DCAF6: variants seen among roughly 807,000 people sequenced by gnomAD.
DCAF6 encodes DDB1 and CUL4 associated factor 6, also known as DDB1- and CUL4-associated factor 6.
Under a neutral mutation model 125.1 loss-of-function variants are expected in DCAF6, and 54 were observed. The observed-to-expected ratio is 0.43, with a 90% confidence interval of 0.35 to 0.54. DCAF6 has a LOEUF of 0.54. DCAF6 is among the 20% of genes least tolerant of loss of function. DCAF6 has a pLI of 0.01. For synonymous variants in DCAF6, 371 were observed against 390.4 expected, an observed-to-expected ratio of 0.95 and a Z score of 0.58; for missense variants, 934 against 1,161.7, an observed-to-expected ratio of 0.80 and a Z score of 2.85.
chr1:168,035,634 C>T (rs984800281), intron 12 of DCAF6, among the ~76,000 whole-genome samples: 2 of 152,114 alleles, frequency 1.3e-5, no homozygotes, highest in African/African-American at 4.8e-5. Context: ...TAGTTTTACA[C>T]AAGGCTGATG....
the DCAF6 span, among the ~76,000 whole-genome samples, chr1:167,919,721 G>GT: frequency 6.6e-6 from 1 of 152,070 alleles, no homozygotes; most frequent in Non-Finnish European, 1.5e-5. Flanking sequence ...TAAAAACTAG[G>GT]TAACATACTG....
At chr1:167,914,311 CA>C in the DCAF6 span, 2 of 152,140 alleles carry the variant, frequency 1.3e-5, no homozygotes, top group African/African-American at 4.8e-5. Flanking sequence ...AGGCAAGGGT[CA>C]GGGGAGACTG....
chr1:168,041,254 A>G (rs771846582), intron 13 of DCAF6, among the ~76,000 whole-genome samples: 4 of 151,984 alleles, frequency 2.6e-5, no homozygotes, highest in Non-Finnish European at 5.9e-5. Flanking sequence ...TACTTTGCCC[A>G]GTTTTCTATG....
rs1004945000 is a variant in DCAF6 at position 167,975,132 on chromosome 1, T to G, written c.438+117T>G. 5 of 525,018 alleles carry G rather than the reference T, an allele frequency of 9.5e-6. No individual in the cohort carries two copies. The South Asian group carries it at 3.6e-4, about 38-fold the overall frequency. The allele number at this position is 525,018 out of a possible 1,614,324, so 32.5% of individuals were successfully genotyped here. Reference sequence around the variant, plus strand: ...CAGATGTGTGTGTATGCACATTTGATGCATATAAATTATTGACAATATCTA... The same window carrying G: ...CAGATGTGTGTGTATGCACATTTGAGGCATATAAATTATTGACAATATCTA... On this transcript the variant is annotated intron_variant, in intron 4 of 21. Transcript: ENST00000367840.
chr1:168,025,663 T>C (rs889521654), intron 12 of DCAF6, among the ~76,000 whole-genome samples: 2 of 152,180 alleles, frequency 1.3e-5, no homozygotes, highest in Admixed American at 6.5e-5. Context: ...TAAAAGTTAA[T>C]AGAGACTGCC....
chr1:167,927,096 A>C, the DCAF6 span, among the ~76,000 whole-genome samples: 1 of 152,236 alleles, frequency 6.6e-6, no homozygotes, highest in African/African-American at 2.4e-5. Context: ...TGGATCCACC[A>C]TGTTCAGGAT....
intron 11 of DCAF6, among the ~76,000 whole-genome samples, chr1:168,022,179 T>G (rs1557989666): frequency 6.6e-6 from 1 of 152,188 alleles, no homozygotes; most frequent in Non-Finnish European, 1.5e-5. Flanking sequence ...GAGTGCTCTT[T>G]CCATTTTATT....
At chr1:167,907,005 T>C in the DCAF6 span, among the ~76,000 whole-genome samples, 1 of 152,114 alleles carries the variant, frequency 6.6e-6, no homozygotes, top group East Asian at 1.9e-4. Context: ...CCATGGAGGA[T>C]TGAAAAGTAT....
intron 16 of DCAF6, 66 bp downstream of exon 16, chr1:168,045,293 T>C: frequency 7.1e-7 from 1 of 1,400,846 alleles, no homozygotes; most frequent in Admixed American, 2.6e-5. Context: ...TTTGAAGTCA[T>C]TGAAGGGAAT....
chr1:168,023,084 C>T (rs988871905), intron 12 of DCAF6, 37 bp downstream of exon 12: 1 of 1,604,146 alleles, frequency 6.2e-7, no homozygotes, highest in African/African-American at 1.3e-5. Flanking sequence ...CCCATCCATC[C>T]ATAGCTTTAT....
chr1:167,927,759 T>C, the DCAF6 span, among the ~76,000 whole-genome samples: 2 of 152,130 alleles, frequency 1.3e-5, no homozygotes, highest in African/African-American at 2.4e-5. Flanking sequence ...AGTTTTACAA[T>C]ATTAACAACA....
In DCAF6 at chr1:168,011,988, A is replaced by G. The variant is rs546888098; in HGVS notation, c.1379-3793A>G. Among the ~76,000 whole-genome samples the G allele has an allele frequency of 2.6e-3, 403 of 152,234 alleles. 3 individuals are homozygous for G. Among genetic ancestry groups the G allele is most frequent in the African/African-American group, 9.1e-3 (378 of 41,540 alleles). On this transcript the variant is annotated intron_variant, in intron 10 of 21. Transcript: ENST00000367840. ...CCTCTGTCTCAGAAAAAAGAAAGAA[A>G]GAAAGAAAGAAACAAGTGGAAATAT...
intron 12 of DCAF6, among the ~76,000 whole-genome samples, chr1:168,033,571 C>T (rs1687418385): frequency 6.6e-6 from 1 of 152,146 alleles, no homozygotes; most frequent in Non-Finnish European, 1.5e-5. Context: ...CCCGCCTCGG[C>T]CTCCCAAAGT....
chr1:167,962,682 G>A (rs1675800375), intron 2 of DCAF6, among the ~76,000 whole-genome samples: 1 of 152,000 alleles, frequency 6.6e-6, no homozygotes, highest in African/African-American at 2.4e-5. Flanking sequence ...TAGGCTGGGT[G>A]CGGTGGCTCA....
intron 12 of DCAF6, among the ~76,000 whole-genome samples, chr1:168,037,190 G>A (rs1434690080): frequency 1.4e-5 from 2 of 140,876 alleles, no homozygotes; most frequent in Non-Finnish European, 1.5e-5. Flanking sequence ...ACTGAGCCCC[G>A]CTGAGATTCT....
At chr1:168,029,185 T>G (rs140822421) in intron 12 of DCAF6, among the ~76,000 whole-genome samples, 5 of 152,226 alleles carry the variant, frequency 3.3e-5, no homozygotes, top group Non-Finnish European at 7.3e-5. Context: ...TTTGTTTAAC[T>G]TAGAATTGTC....
At chr1:167,955,203 T>C (rs1167305633) in intron 2 of DCAF6, among the ~76,000 whole-genome samples, 1 of 152,248 alleles carries the variant, frequency 6.6e-6, no homozygotes, top group Non-Finnish European at 1.5e-5. Flanking sequence ...TTGTATCCAG[T>C]TGAGGACTAT....
At chr1:167,895,310 G>A in the DCAF6 span, among the ~76,000 whole-genome samples, 1 of 152,096 alleles carries the variant, frequency 6.6e-6, no homozygotes, top group Non-Finnish European at 1.5e-5. Context: ...AGTGGGTAAT[G>A]TCATGAGGCT....
the DCAF6 span, among the ~76,000 whole-genome samples, chr1:167,915,235 G>C: frequency 6.6e-6 from 1 of 152,130 alleles, no homozygotes; most frequent in Admixed American, 6.5e-5. Context: ...TTCCTTAAAA[G>C]AGATGCCATA....
Sources: allele counts gnomAD v4.1 joint callset (sites outside exome capture counted in the v4.1 genomes callset), GRCh38; gene constraint gnomAD v4.1.1; transcripts MANE v1.5; gene names NCBI Gene and HGNC (gene_info 2026-07-23, HGNC 2026-07-21).